ADCY8: variants seen among roughly 807,000 people sequenced by gnomAD.
The protein encoded by ADCY8 is adenylate cyclase type 8.
Under a neutral mutation model 119.7 loss-of-function variants are expected in ADCY8, and 51 were observed. The observed-to-expected ratio is 0.43, with a 90% CI of 0.34 to 0.54. The LOEUF (loss-of-function observed/expected upper bound fraction) is 0.54, where lower values mean the gene tolerates loss of function less well. Among genes scored for constraint, ADCY8 ranks in the 20% least tolerant of loss-of-function variants. The probability of loss-of-function intolerance (pLI) is 0.03; values close to 1 mark genes in which losing one functional copy is unlikely to be tolerated. For missense variants in ADCY8, 1,383 were observed against 1,598.8 expected (o/e 0.87, Z 2.30); for synonymous variants, 665 against 651.0 (o/e 1.02, Z -0.33).
intron 8 of ADCY8, among the ~76,000 whole-genome samples, chr8:130,868,499 C>T (rs1166824853): frequency 6.6e-6 from 1 of 152,204 alleles, no homozygotes; most frequent in Non-Finnish European, 1.5e-5. Context: ...TTCGTGTCTG[C>T]TCAAGGCAGC....
chr8:130,870,299 AC>A (rs1313698342), intron 8 of ADCY8, among the ~76,000 whole-genome samples: 1 of 152,060 alleles, frequency 6.6e-6, no homozygotes, highest in African/African-American at 2.4e-5. Flanking sequence ...GGCATGAGTC[AC>A]CGTGCCTGGC....
chr8:130,900,175 A>G (rs1279802700), intron 7 of ADCY8, among the ~76,000 whole-genome samples: 1 of 152,200 alleles, frequency 6.6e-6, no homozygotes, highest in African/African-American at 2.4e-5. Context: ...CAGGATGTCC[A>G]AGAGCAAAAC....
Position 130,868,255 on chromosome 8 carries a change from T to C in ADCY8, c.2110-309A>G, listed in dbSNP as rs575613412. Among the ~76,000 whole-genome samples the C allele has an allele frequency of 3.9e-5, 6 of 152,316 alleles. No individual in the cohort carries two copies. The East Asian group carries it at 1.2e-3, about 29-fold the overall frequency. ...ATATATGCAGCAAATCAAATTTGCA[T>C]TGACTTTCTTCATGAGTAAACTTAA... On this transcript the variant is annotated intron_variant, in intron 8 of 17. Transcript: ENST00000286355.
chr8:131,032,039 T>G (rs1351936006), intron 1 of ADCY8, among the ~76,000 whole-genome samples: 1 of 152,224 alleles, frequency 6.6e-6, no homozygotes, highest in Non-Finnish European at 1.5e-5. Flanking sequence ...TCCAGTCAAC[T>G]GAAAAATCAG....
chr8:130,983,224 C>T (rs184670765), intron 2 of ADCY8, among the ~76,000 whole-genome samples: 1 of 152,312 alleles, frequency 6.6e-6, no homozygotes, highest in Non-Finnish European at 1.5e-5. Flanking sequence ...CTGGCAAATC[C>T]TTTACTCTAA....
Position 131,011,982 on chromosome 8 carries a change from G to A in ADCY8, c.961-21440C>T, listed in dbSNP as rs368230216. Among the ~76,000 whole-genome samples, 30 of 152,254 alleles carry A rather than the reference G, an allele frequency of 2.0e-4. No individual in the cohort carries two copies. In the East Asian group the frequency reaches 5.4e-3, roughly 27 times the overall value. On this transcript the variant is annotated intron_variant, in intron 1 of 17. Transcript: ENST00000286355. The stretch of plus-strand genomic sequence containing the variant: ...TGATAGGTAGAATACATGAGTCAGG[G>A]GAACAAGGGGGTAGAGGCAGGAGTG...
At chr8:130,938,532 A>T (rs1318513378) in intron 4 of ADCY8, among the ~76,000 whole-genome samples, 6 of 152,024 alleles carry the variant, frequency 3.9e-5, no homozygotes, top group Non-Finnish European at 8.8e-5. Context: ...AGAGCTGGAG[A>T]AGGGGAGTTA....
At chr8:131,019,799 C>A (rs547077048) in intron 1 of ADCY8, among the ~76,000 whole-genome samples, 4 of 39,090 alleles carry the variant, frequency 1.0e-4, no homozygotes, top group African/African-American at 5.3e-4. Flanking sequence ...GGAACAAATT[C>A]TCTCTCTCTC....
intron 2 of ADCY8, among the ~76,000 whole-genome samples, chr8:130,980,448 T>C (rs1247066138): frequency 6.6e-6 from 1 of 152,046 alleles, no homozygotes; most frequent in African/African-American, 2.4e-5. Context: ...GTTACAGTGA[T>C]GCAGGAGAGA....
At chr8:130,835,142 G>A (rs1049635377) in intron 12 of ADCY8, among the ~76,000 whole-genome samples, 1 of 152,110 alleles carries the variant, frequency 6.6e-6, no homozygotes, top group Non-Finnish European at 1.5e-5. Flanking sequence ...TCTGGCCTCA[G>A]CTAGTCCTGT....
intron 6 of ADCY8, among the ~76,000 whole-genome samples, chr8:130,907,742 C>T (rs1185480199): frequency 1.3e-5 from 2 of 152,132 alleles, no homozygotes; most frequent in Non-Finnish European, 2.9e-5. Flanking sequence ...TCGTTTCTTT[C>T]CTTTTTCAAC....
At chr8:130,824,041 G>A (rs1816598756) in intron 12 of ADCY8, among the ~76,000 whole-genome samples, 1 of 152,126 alleles carries the variant, frequency 6.6e-6, no homozygotes, top group Non-Finnish European at 1.5e-5. Flanking sequence ...TGAGGCCCAC[G>A]GAGGAGTAGT....
intron 2 of ADCY8, among the ~76,000 whole-genome samples, chr8:130,964,062 G>A (rs1183301508): frequency 2.0e-5 from 3 of 152,186 alleles, no homozygotes; most frequent in Admixed American, 2.0e-4. Context: ...CTGCTGAAGT[G>A]ACACTACCTC....
At chr8:130,880,723 C>A (rs1476577702) in intron 8 of ADCY8, among the ~76,000 whole-genome samples, 1 of 152,174 alleles carries the variant, frequency 6.6e-6, no homozygotes, top group Non-Finnish European at 1.5e-5. Flanking sequence ...AGGCCCAAGC[C>A]TTGGGTCACA....
chr8:130,814,825 T>C (rs1002019754), intron 13 of ADCY8, among the ~76,000 whole-genome samples: 2 of 152,086 alleles, frequency 1.3e-5, no homozygotes, highest in East Asian at 3.9e-4. Context: ...CCTTGACATA[T>C]GGGGATTATT....
chr8:130,954,211 G>C (rs576190951), intron 2 of ADCY8, among the ~76,000 whole-genome samples: 1 of 152,314 alleles, frequency 6.6e-6, no homozygotes, highest in South Asian at 2.1e-4. Flanking sequence ...TTAATAACCA[G>C]AGTGAGAAAA....
chr8:130,966,610 T>C (rs1323145064), intron 2 of ADCY8, among the ~76,000 whole-genome samples: 2 of 152,144 alleles, frequency 1.3e-5, no homozygotes, highest in South Asian at 2.1e-4. Flanking sequence ...GCAAGGAACC[T>C]GAAGTGATGG....
At chr8:130,975,232 G>C (rs944542359) in intron 2 of ADCY8, among the ~76,000 whole-genome samples, 1 of 152,094 alleles carries the variant, frequency 6.6e-6, no homozygotes, top group Admixed American at 6.6e-5. Context: ...GTACACCCTG[G>C]AAGTTCTTCT....
chr8:130,957,173 T>A (rs6415527), intron 2 of ADCY8, among the ~76,000 whole-genome samples: 122,730 of 152,094 alleles, frequency 0.81, 52,228 homozygotes, highest in East Asian at 0.95. Context: ...GCTTTGACCA[T>A]AATGCTGATA....
Sources: allele counts gnomAD v4.1 joint callset (sites outside exome capture counted in the v4.1 genomes callset), GRCh38; gene constraint gnomAD v4.1.1; transcripts MANE v1.5; gene names NCBI Gene and HGNC (gene_info 2026-07-23, HGNC 2026-07-21).